CFAP61: variants seen among roughly 807,000 people sequenced by gnomAD.
The protein encoded by CFAP61 is cilia and flagella associated protein 61.
CFAP61 carries 107 observed loss-of-function variants against 135.6 expected under a neutral mutation model. The ratio of observed to expected loss-of-function variants is 0.79; its 90% confidence interval spans 0.67 to 0.93. The LOEUF is 0.93. Ranked by LOEUF, CFAP61 falls within the 40% of genes least tolerant of loss-of-function variation. CFAP61 has a pLI of 0.00. For missense variants in CFAP61, 1,507 were observed against 1,556.2 expected, an observed-to-expected ratio of 0.97 and a Z score of 0.53; for synonymous variants, 575 against 578.5, an observed-to-expected ratio of 0.99 and a Z score of 0.09.
At chr20:20,153,396 A>G (rs1275789597) in intron 9 of CFAP61, among the ~76,000 whole-genome samples, 1 of 152,156 alleles carries the variant, frequency 6.6e-6, no homozygotes, top group Non-Finnish European at 1.5e-5. Context: ...TGAAACGGTA[A>G]CAAAAAAATT....
intron 17 of CFAP61, 145 bp downstream of exon 17, chr20:20,200,047 C>A: frequency 1.1e-6 from 1 of 948,126 alleles, no homozygotes; most frequent in Non-Finnish European, 1.6e-6. Flanking sequence ...CGGAGCCCCG[C>A]GAAGGCTCCC....
chr20:20,351,877 A>T lies in CFAP61; in HGVS notation c.3514-8333A>T, dbSNP rs574620229. On this transcript the variant is annotated intron_variant, in intron 26 of 26. Coordinates refer to ENST00000245957, the MANE Select transcript of CFAP61 (RefSeq NM_015585.4). The stretch of plus-strand genomic sequence containing the variant: ...AAAATGCCAATGTCATTTTTCACAG[A>T]AATAGAAAAGACAATCTTAAAAATC... Among the ~76,000 whole-genome samples the T allele has an allele frequency of 2.6e-5, 4 of 152,298 alleles. No homozygotes were observed. The South Asian group carries it at 8.3e-4, about 32-fold the overall frequency.
chr20:20,181,073 G>A (rs962652227), intron 13 of CFAP61, among the ~76,000 whole-genome samples: 2 of 151,574 alleles, frequency 1.3e-5, no homozygotes, highest in African/African-American at 4.9e-5. Flanking sequence ...TCAATACCTG[G>A]GTGATAAATA....
chr20:20,153,301 C>T (rs535876927), intron 9 of CFAP61, among the ~76,000 whole-genome samples: 3 of 152,208 alleles, frequency 2.0e-5, no homozygotes, highest in East Asian at 1.9e-4. Context: ...TCTAAGGTCA[C>T]ACCTCAAGGA....
chr20:20,194,158 C>T (rs1015642013), intron 15 of CFAP61, among the ~76,000 whole-genome samples: 1 of 152,100 alleles, frequency 6.6e-6, no homozygotes, highest in African/African-American at 2.4e-5. Context: ...TCCATTTTCT[C>T]CATTCTTCTT....
chr20:20,160,892 A>C (rs2053340325), intron 10 of CFAP61, among the ~76,000 whole-genome samples: 1 of 152,012 alleles, frequency 6.6e-6, no homozygotes, highest in African/African-American at 2.4e-5. Context: ...CAGCTCCTTC[A>C]CCTCTTAGGT....
intron 8 of CFAP61, among the ~76,000 whole-genome samples, chr20:20,100,265 A>G (rs61288934): frequency 0.11 from 17,021 of 151,072 alleles, 2,060 homozygotes; most frequent in East Asian, 0.66. Context: ...CTCTGCCTCC[A>G]GGGTTCAAGT....
chr20:20,058,336 A>ACACAAAC (rs1239647217), intron 2 of CFAP61, among the ~76,000 whole-genome samples: 1 of 152,258 alleles, frequency 6.6e-6, no homozygotes, highest in Non-Finnish European at 1.5e-5. Flanking sequence ...ATACTGATAC[A>ACACAAAC]CACAAAAGCT....
intron 17 of CFAP61, among the ~76,000 whole-genome samples, chr20:20,207,183 A>G (rs2056892394): frequency 6.6e-6 from 1 of 152,246 alleles, no homozygotes; most frequent in Non-Finnish European, 1.5e-5. Context: ...GAGCTCAGGT[A>G]GCAAACAAGA....
At chr20:20,158,954 G>C (rs939828428) in intron 9 of CFAP61, among the ~76,000 whole-genome samples, 12 of 152,146 alleles carry the variant, frequency 7.9e-5, no homozygotes, top group Admixed American at 3.3e-4. Flanking sequence ...TGCAGTTTTT[G>C]CCATTACTTT....
chr20:20,199,663 G>T lies in CFAP61; in HGVS notation c.1798-105G>T. 3 of 1,272,624 alleles carry T rather than the reference G, an allele frequency of 2.4e-6. No individual in the cohort carries two copies. The South Asian group carries it at 4.7e-5, about 20-fold the overall frequency. 78.8% of individuals were successfully genotyped at this position (1,272,624 alleles called of 1,614,324 possible). A position where few individuals can be genotyped will look rare whatever the true frequency, so the allele number is the denominator to read the frequency against. On this transcript the variant is annotated intron_variant, in intron 16 of 26. Coordinates refer to ENST00000245957, the MANE Select transcript of CFAP61 (RefSeq NM_015585.4). The stretch of plus-strand genomic sequence containing the variant: ...TTGCTGATTTTTTTTTTTCCTCTCT[G>T]ACTTGGCCGAGTTAAGAGTTTTGTA...
intron 8 of CFAP61, among the ~76,000 whole-genome samples, chr20:20,142,386 G>A (rs2051475271): frequency 6.6e-6 from 1 of 152,222 alleles, no homozygotes; most frequent in Non-Finnish European, 1.5e-5. Context: ...TTGGCATTCA[G>A]GTAACACTGA....
In CFAP61 at chr20:20,263,069, C is replaced by A. The variant is rs369861279; in HGVS notation, c.2442C>A (p.Asn814Lys). The A allele has an allele frequency of 3.2e-5, 52 of 1,613,810 alleles. No individual in the cohort carries two copies. The highest frequency in any genetic ancestry group is 4.3e-5 in the Non-Finnish European group (51 of 1,179,902). The stretch of plus-strand genomic sequence containing the variant: ...TTCCTTGCAACCATTTCACTCTCAA[C>A]GAGGAAGAGGATTGCTTTAAGGCAC... ...GKVPCNHFTLNEEEDCFKALI... is the reference protein window; with the variant it reads ...GKVPCNHFTLKEEEDCFKALI... Residue 814 changes from asparagine to lysine, a missense_variant, in exon 21 of 27, where the codon AAC (asparagine) becomes AAA (lysine). Coordinates refer to ENST00000245957, the MANE Select transcript of CFAP61 (RefSeq NM_015585.4).
chr20:20,102,115 G>A (rs1439795424), intron 8 of CFAP61, among the ~76,000 whole-genome samples: 2 of 152,182 alleles, frequency 1.3e-5, no homozygotes. Context: ...CTATGCAGGG[G>A]TCAGGCTGGA....
chr20:20,261,883 C>G (rs2052261343), intron 20 of CFAP61, among the ~76,000 whole-genome samples: 1 of 152,076 alleles, frequency 6.6e-6, no homozygotes, highest in Non-Finnish European at 1.5e-5. Context: ...TGTGTTTTTA[C>G]TGTTACTTTC....
Position 20,341,886 on chromosome 20 carries a change from A to G in CFAP61, c.3478A>G (p.Arg1160Gly). ...ALFHDRFIDL[R>G]KELRQILASK... Reference sequence around the variant, plus strand: ...GTTCCACGATCGTTTTATTGATCTCAGGAAAGAGTTACGCCAAATCTTAGC... The same window carrying G: ...GTTCCACGATCGTTTTATTGATCTCGGGAAAGAGTTACGCCAAATCTTAGC... The change falls in exon 26 of 27, where the codon AGG (arginine) becomes GGG (glycine). Residue 1160 changes from arginine to glycine, a missense_variant. Arg to Gly is a moderately radical substitution (Grantham distance 125). Transcript: ENST00000245957. 6.2e-7 allele frequency: 1 copy of G among 1,613,172 alleles called. No homozygotes were observed. Among genetic ancestry groups the G allele is most frequent in the Non-Finnish European group, 8.5e-7 (1 of 1,179,616 alleles).
intron 25 of CFAP61, among the ~76,000 whole-genome samples, chr20:20,314,351 C>G (rs1391915472): frequency 6.8e-6 from 1 of 147,720 alleles, no homozygotes; most frequent in Admixed American, 6.8e-5. Context: ...GATTGCACCA[C>G]TGCACTCCCC....
At chr20:20,166,300 C>T in intron 11 of CFAP61, 97 bp from the exon 12 acceptor site, 1 of 973,512 alleles carries the variant, frequency 1.0e-6, no homozygotes, top group Non-Finnish European at 1.6e-6. Flanking sequence ...GTTGGCTAAT[C>T]GCTGCCCGAG....
rs549682507 is a variant in CFAP61, at chr20:20,207,457, G to A, written c.1932+7555G>A. ...CAGAGGTCCAGAAGTGCCTCCGGACGCATCAGCTGCCTGCTGCAGAGCTCT... is the reference window on the plus strand; with the variant it reads ...CAGAGGTCCAGAAGTGCCTCCGGACACATCAGCTGCCTGCTGCAGAGCTCT... On this transcript the variant is annotated intron_variant, in intron 17 of 26. Transcript: ENST00000245957. Among the ~76,000 whole-genome samples the A allele has an allele frequency of 2.0e-5, 3 of 152,318 alleles. No homozygotes were observed. In the South Asian group the frequency reaches 6.2e-4, roughly 32 times the overall value.
Sources: allele counts gnomAD v4.1 joint callset (sites outside exome capture counted in the v4.1 genomes callset), GRCh38; gene constraint gnomAD v4.1.1; transcripts MANE v1.5; gene names NCBI Gene and HGNC (gene_info 2026-07-23, HGNC 2026-07-21).